SLC37A1: variants seen among roughly 807,000 people sequenced by gnomAD.
SLC37A1 encodes the protein solute carrier family 37 member 1.
A neutral mutation model predicts 75.3 loss-of-function variants in SLC37A1; 49 were observed. The observed-to-expected ratio is 0.65, with a 90% CI of 0.52 to 0.83. SLC37A1 has a LOEUF of 0.83. Among genes scored for constraint, SLC37A1 ranks in the 40% least tolerant of loss-of-function variants. The probability of loss-of-function intolerance (pLI) is 0.00; values close to 1 mark genes in which losing one functional copy is unlikely to be tolerated. For synonymous variants in SLC37A1, 268 were observed against 292.1 expected (o/e 0.92, Z 0.84); for missense variants, 566 against 695.0 (o/e 0.81, Z 2.09).
At chr21:42,530,637 CACACACACACACACACA>C (rs1568997006) in intron 3 of SLC37A1, among the ~76,000 whole-genome samples, 6 of 36,556 alleles carry the variant, frequency 1.6e-4, no homozygotes, top group South Asian at 7.0e-4. Flanking sequence ...CACACACACA[CACACACACACACACACA>C]CCCCCTCTGT....
chr21:42,531,879 C>T (rs228047), intron 3 of SLC37A1, among the ~76,000 whole-genome samples: 78,844 of 152,058 alleles, frequency 0.52, 20,917 homozygotes, highest in Admixed American at 0.64. Context: ...AGCCTTCCAA[C>T]AGGTCTGCGG....
chr21:42,577,719 A>G (rs1233691739), intron 18 of SLC37A1, among the ~76,000 whole-genome samples: 1 of 152,258 alleles, frequency 6.6e-6, no homozygotes, highest in Non-Finnish European at 1.5e-5. Context: ...CCAGCAACAC[A>G]GTGACAATAA....
intron 9 of SLC37A1, among the ~76,000 whole-genome samples, chr21:42,549,970 G>A (rs1447142162): frequency 6.6e-6 from 1 of 152,126 alleles, no homozygotes; most frequent in Non-Finnish European, 1.5e-5. Flanking sequence ...CTCTATCAAC[G>A]CCCCTTCTAA....
chr21:42,559,017 C>G lies in SLC37A1; in HGVS notation c.909C>G (p.His303Gln). The change falls in exon 11 of 20, where the codon CAC (histidine) becomes CAG (glutamine). Residue 303 changes from histidine to glutamine, a missense_variant. By Grantham distance (24) the His-to-Gln change is conservative. Coordinates refer to ENST00000352133, the MANE Select transcript of SLC37A1 (RefSeq NM_001320537.2). ...GGAAGGGCTCCATCCACCCGAACCA[C>G]GTCGTCATTCTCCCCGGGGACGGTG... ...SDGKGSIHPN[H>Q]VVILPGDGGS... 6.2e-7 allele frequency: 1 copy of G among 1,613,852 alleles called. No homozygotes were observed. The highest frequency in any genetic ancestry group is 2.2e-5 in the East Asian group (1 of 44,852).
At chr21:42,567,357 G>A (rs2056007033) in intron 16 of SLC37A1, among the ~76,000 whole-genome samples, 1 of 152,236 alleles carries the variant, frequency 6.6e-6, no homozygotes, top group Non-Finnish European at 1.5e-5. Context: ...TCCTGTCCTG[G>A]ACGCCTCTGC....
intron 2 of SLC37A1, among the ~76,000 whole-genome samples, chr21:42,520,403 A>G (rs561680527): frequency 6.6e-6 from 1 of 152,078 alleles, no homozygotes; most frequent in African/African-American, 2.4e-5. Context: ...CAAGCCACTT[A>G]TTTTATAGAA....
At chr21:42,520,198 A>G (rs2054613818) in intron 2 of SLC37A1, among the ~76,000 whole-genome samples, 1 of 152,242 alleles carries the variant, frequency 6.6e-6, no homozygotes, top group Non-Finnish European at 1.5e-5. Flanking sequence ...TAAAAACAAT[A>G]TCAAATGTCA....
chr21:42,526,193 G>A (rs1222040424), intron 3 of SLC37A1, among the ~76,000 whole-genome samples: 2 of 151,918 alleles, frequency 1.3e-5, no homozygotes, highest in Non-Finnish European at 2.9e-5. Flanking sequence ...CCAGCTCTTC[G>A]TGCGATCCAA....
intron 2 of SLC37A1, among the ~76,000 whole-genome samples, chr21:42,524,796 G>A (rs940759355): frequency 1.3e-5 from 2 of 152,158 alleles, no homozygotes; most frequent in Admixed American, 6.5e-5. Flanking sequence ...TTGGTCTCTG[G>A]CCCTGGTTCT....
intron 15 of SLC37A1, 146 bp from the exon 16 acceptor site, chr21:42,566,839 T>C: frequency 1.4e-6 from 1 of 737,316 alleles, no homozygotes; most frequent in East Asian, 2.7e-5. Flanking sequence ...TGATTTGCTT[T>C]AGCTCCTCAC....
chr21:42,542,559 C>CTGATACTAA, intron 7 of SLC37A1, 79 bp downstream of exon 7: 2 of 1,355,552 alleles, frequency 1.5e-6, no homozygotes, highest in Admixed American at 3.7e-5. Flanking sequence ...AGACTGATTA[C>CTGATACTAA]AGCAAAAACA....
Position 42,570,208 on chromosome 21 carries a change from C to T in SLC37A1, c.1423+1770C>T, listed in dbSNP as rs1450619375. Among the ~76,000 whole-genome samples, 113 of 117,550 alleles carry T rather than the reference C, an allele frequency of 9.6e-4. 18 individuals carry two copies. In the Middle Eastern group the frequency reaches 0.017, roughly 18 times the overall value. The allele number at this position is 117,550 out of a possible 152,430, so 77.1% of individuals were successfully genotyped here. ...TGACACATGGCCTGGTTCTGAGAAG[C>T]GGCAGGCAGGGTGGCCGTTGCCATG... On this transcript the variant is annotated intron_variant, in intron 17 of 19. Coordinates refer to ENST00000352133, the MANE Select transcript of SLC37A1 (RefSeq NM_001320537.2).
upstream of SLC37A1, among the ~76,000 whole-genome samples, chr21:42,512,939 A>T (rs529300152): frequency 1.3e-5 from 2 of 152,256 alleles, no homozygotes; most frequent in Non-Finnish European, 2.9e-5. Context: ...GGGAAGCTCA[A>T]CGTGCCTGGG....
intron 12 of SLC37A1, among the ~76,000 whole-genome samples, chr21:42,563,038 G>C (rs546010536): frequency 7.2e-5 from 11 of 152,248 alleles, no homozygotes; most frequent in Non-Finnish European, 1.5e-4. Flanking sequence ...AGGCGGTCTG[G>C]GGACTGTCCC....
At chr21:42,571,438 T>C (rs185501584) in intron 17 of SLC37A1, among the ~76,000 whole-genome samples, 4 of 152,330 alleles carry the variant, frequency 2.6e-5, no homozygotes, top group Admixed American at 2.0e-4. Context: ...TTCTTCAAGT[T>C]AATTTTTATT....
chr21:42,522,206 AAGGTCACGTTCTG>A (rs2054666783), intron 2 of SLC37A1, among the ~76,000 whole-genome samples: 4 of 152,346 alleles, frequency 2.6e-5, no homozygotes, highest in Admixed American at 1.3e-4. Flanking sequence ...ATTTCCAAAT[AAGGTCACGTTCTG>A]AGGTTTTGGG....
chr21:42,535,527 C>T lies in SLC37A1; in HGVS notation c.327C>T (p.Ala109=), dbSNP rs760798684. ...CCCTGGACTACTCCTTCCTGTGCGC[C>T]TATGCCGTGGGGATGTACCTCAGGT... The part of the protein sequence containing the change: ...LGALDYSFLC[A]YAVGMYLSGI... The change falls in exon 5 of 20, where the codon GCC becomes GCT. Residue 109 remains alanine (A), a synonymous_variant. Coordinates refer to ENST00000352133, the MANE Select transcript of SLC37A1 (RefSeq NM_001320537.2). 1 of 1,614,204 alleles carries T rather than the reference C, an allele frequency of 6.2e-7. No homozygotes were observed.
intron 12 of SLC37A1, among the ~76,000 whole-genome samples, chr21:42,562,403 G>A (rs1464819549): frequency 6.6e-6 from 1 of 152,180 alleles, no homozygotes; most frequent in African/African-American, 2.4e-5. Flanking sequence ...TTCTATCCCA[G>A]CTAGGGCTAC....
At chr21:42,501,019 A>G (rs1224464796) in intron 1 of SLC37A1, among the ~76,000 whole-genome samples, 1 of 152,244 alleles carries the variant, frequency 6.6e-6, no homozygotes, top group African/African-American at 2.4e-5. Context: ...CAGTAGGGAA[A>G]ACAGTTTAGT....
Sources: gnomAD v4.1 joint callset for allele counts (sites outside exome capture counted in the v4.1 genomes callset) on GRCh38, gnomAD v4.1.1 for gene constraint, MANE v1.5 for transcripts, NCBI Gene and HGNC (gene_info 2026-07-23, HGNC 2026-07-21) for gene names.